THSD4: variants seen among roughly 807,000 people sequenced by gnomAD.
THSD4 encodes thrombospondin type 1 domain containing 4.
In THSD4, 69 loss-of-function variants were observed where a neutral mutation model predicts 119.0. The observed-to-expected ratio is 0.58, with a 90% CI of 0.48 to 0.71. The LOEUF (loss-of-function observed/expected upper bound fraction) is 0.71. Ranked by LOEUF, THSD4 falls within the 30% of genes least tolerant of loss-of-function variation. The pLI is 0.00. For synonymous variants in THSD4, 524 were observed against 540.4 expected, an observed-to-expected ratio of 0.97 and a Z score of 0.42; for missense variants, 1,393 against 1,391.1, an observed-to-expected ratio of 1.00 and a Z score of -0.02.
chr15:71,601,451 G>A (rs11630654), intron 7 of THSD4, among the ~76,000 whole-genome samples: 11,776 of 152,234 alleles, frequency 0.077, 505 homozygotes, highest in South Asian at 0.12. Context: ...AACTGGGTGA[G>A]CATGTCCAGG....
chr15:71,370,989 G>A (rs8038085), intron 6 of THSD4, among the ~76,000 whole-genome samples: 6,621 of 152,182 alleles, frequency 0.044, 208 homozygotes, highest in Middle Eastern at 0.1. Flanking sequence ...TATATTTAGG[G>A]TAGTTAGCTC....
At chr15:71,533,133 T>C (rs1242330065) in intron 7 of THSD4, among the ~76,000 whole-genome samples, 1 of 152,222 alleles carries the variant, frequency 6.6e-6, no homozygotes, top group Non-Finnish European at 1.5e-5. Context: ...CACCTTTTGG[T>C]TGAGCTGGGT....
intron 1 of THSD4, among the ~76,000 whole-genome samples, chr15:71,125,406 C>T (rs1263896180): frequency 6.6e-6 from 1 of 152,240 alleles, no homozygotes; most frequent in East Asian, 1.9e-4. Context: ...CTTTCCTCCT[C>T]ACTCAAAAGT....
At chr15:71,581,896 T>C (rs983519288) in intron 7 of THSD4, among the ~76,000 whole-genome samples, 4 of 152,194 alleles carry the variant, frequency 2.6e-5, no homozygotes, top group African/African-American at 9.6e-5. Flanking sequence ...GTTCATACCA[T>C]ACTGTTTTGA....
intron 7 of THSD4, among the ~76,000 whole-genome samples, chr15:71,516,737 T>G (rs796662517): frequency 1.3e-5 from 2 of 152,358 alleles, no homozygotes; most frequent in African/African-American, 4.8e-5. Context: ...CTCTAGTAAC[T>G]GAAATCATTA....
intron 7 of THSD4, among the ~76,000 whole-genome samples, chr15:71,598,063 C>T (rs1056650702): frequency 1.3e-5 from 2 of 151,952 alleles, no homozygotes; most frequent in Non-Finnish European, 2.9e-5. Context: ...AGAAGTGTTC[C>T]TAGTGCAGGC....
chr15:71,737,322 G>A (rs777572811), intron 10 of THSD4, among the ~76,000 whole-genome samples: 10 of 152,226 alleles, frequency 6.6e-5, no homozygotes, highest in Non-Finnish European at 1.3e-4. Context: ...CTGGAAGTGT[G>A]TTTTCCTGCA....
chr15:71,458,456 A>G (rs1015260807), intron 7 of THSD4, among the ~76,000 whole-genome samples: 5 of 152,224 alleles, frequency 3.3e-5, no homozygotes, highest in African/African-American at 1.2e-4. Context: ...AATAAATGTA[A>G]AAAAACAACA....
At chr15:71,773,540 A>G (rs1188337095) in intron 17 of THSD4, among the ~76,000 whole-genome samples, 3 of 152,236 alleles carry the variant, frequency 2.0e-5, no homozygotes, top group Non-Finnish European at 4.4e-5. Flanking sequence ...CAACTAGAGA[A>G]AAAAAGGGAA....
At chr15:71,261,901 A>C (rs928311582) in intron 6 of THSD4, among the ~76,000 whole-genome samples, 1 of 152,144 alleles carries the variant, frequency 6.6e-6, no homozygotes, top group African/African-American at 2.4e-5. Flanking sequence ...ACTGAAGTTG[A>C]GTTTACTTTG....
chr15:71,225,857 AC>A (rs1211896413), intron 4 of THSD4, among the ~76,000 whole-genome samples: 1 of 151,976 alleles, frequency 6.6e-6, no homozygotes, highest in African/African-American at 2.4e-5. Context: ...ACCTTTCCAA[AC>A]ATGCTTCTGG....
intron 2 of THSD4, among the ~76,000 whole-genome samples, chr15:71,144,175 G>A (rs960004605): frequency 7.2e-5 from 11 of 152,160 alleles, no homozygotes; most frequent in Non-Finnish European, 1.6e-4. Context: ...TGTGAATTAT[G>A]AGGACAGCTG....
chr15:71,521,845 G>T (rs1381304110), intron 7 of THSD4, among the ~76,000 whole-genome samples: 1 of 152,160 alleles, frequency 6.6e-6, no homozygotes, highest in Non-Finnish European at 1.5e-5. Flanking sequence ...CTGCGTTTCA[G>T]ACTCCAGATG....
chr15:71,736,916 A>C (rs1483642329), intron 10 of THSD4, among the ~76,000 whole-genome samples: 1 of 152,240 alleles, frequency 6.6e-6, no homozygotes, highest in East Asian at 1.9e-4. Flanking sequence ...TAAATCACAC[A>C]CAAATTAGTA....
chr15:71,465,057 G>A (rs1022962273), intron 7 of THSD4, among the ~76,000 whole-genome samples: 1 of 151,916 alleles, frequency 6.6e-6, no homozygotes, highest in Non-Finnish European at 1.5e-5. Context: ...CTTGGTGAGC[G>A]AGTGACTCAA....
At chr15:71,265,855 G>A (rs538850680) in intron 6 of THSD4, among the ~76,000 whole-genome samples, 2 of 152,252 alleles carry the variant, frequency 1.3e-5, no homozygotes, top group East Asian at 1.9e-4. Flanking sequence ...GTTCAAACTC[G>A]GCAGAGCCCA....
chr15:71,148,924 G>C (rs1233589028), intron 2 of THSD4, among the ~76,000 whole-genome samples: 1 of 152,118 alleles, frequency 6.6e-6, no homozygotes, highest in Non-Finnish European at 1.5e-5. Context: ...TATAATAAAA[G>C]TGTCTGATAG....
chr15:71,390,422 G>A (rs1003714398), intron 6 of THSD4, among the ~76,000 whole-genome samples: 1 of 152,174 alleles, frequency 6.6e-6, no homozygotes, highest in Non-Finnish European at 1.5e-5. Flanking sequence ...TACTTAAAGG[G>A]TAAAAGTATT....
intron 8 of THSD4, among the ~76,000 whole-genome samples, chr15:71,708,894 G>A (rs1244993999): frequency 6.6e-6 from 1 of 152,186 alleles, no homozygotes; most frequent in African/African-American, 2.4e-5. Context: ...TGCTGTTATG[G>A]TGCTGCACAC....
Sources: allele counts gnomAD v4.1 joint callset (sites outside exome capture counted in the v4.1 genomes callset), GRCh38; gene constraint gnomAD v4.1.1; transcripts MANE v1.5; gene names NCBI Gene and HGNC (gene_info 2026-07-23, HGNC 2026-07-21).